GSE1: variants seen among roughly 807,000 people sequenced by gnomAD.
GSE1 encodes the protein genetic suppressor element 1.
GSE1 carries 32 observed loss-of-function variants against 112.6 expected under a neutral mutation model. The ratio of observed to expected loss-of-function variants is 0.28; its 90% CI spans 0.21 to 0.38. The LOEUF is 0.38. Among genes scored for constraint, GSE1 ranks in the 10% least tolerant of loss-of-function variants. GSE1 has a pLI of 1.00. For missense variants in GSE1, 2,348 were observed against 1,699.2 expected (o/e 1.38, Z -6.71); for synonymous variants, 1,115 against 735.6 (o/e 1.52, Z -8.35).
chr16:85,428,848 G>T (rs1047748590), intron 2 of GSE1, among the ~76,000 whole-genome samples: 8 of 152,166 alleles, frequency 5.3e-5, no homozygotes, highest in Non-Finnish European at 8.8e-5. Context: ...GTAGACAAAC[G>T]CCTGGGGGGT....
chr16:85,483,395 C>T (rs549737453), intron 2 of GSE1, among the ~76,000 whole-genome samples: 4 of 152,262 alleles, frequency 2.6e-5, no homozygotes, highest in Non-Finnish European at 5.9e-5. Flanking sequence ...GCAAGTCCCT[C>T]ACCCACTCTG....
chr16:85,552,392 C>T (rs112308244), upstream of GSE1, among the ~76,000 whole-genome samples: 555 of 96,522 alleles, frequency 5.7e-3, 67 homozygotes, highest in Non-Finnish European at 2.8e-3. Flanking sequence ...AGTGAAGTGG[C>T]GCGATCTCGG....
chr16:85,332,903 C>CTTT (rs2046405915), intron 1 of GSE1, among the ~76,000 whole-genome samples: 1 of 152,104 alleles, frequency 6.6e-6, no homozygotes, highest in Admixed American at 6.5e-5. Context: ...CAGAACCCCC[C>CTTT]TTTATCCCCT....
At chr16:85,230,870 A>G (rs12920792) in intron 1 of GSE1, among the ~76,000 whole-genome samples, 5,867 of 115,538 alleles carry the variant, frequency 0.051, 175 homozygotes, top group East Asian at 0.19. Flanking sequence ...TGGATGGATG[A>G]GTGGACGGAC....
rs536927454 is a variant in GSE1 at position 85,431,577 on chromosome 16, G to A, written c.2464+73934G>A. 2.3e-3 allele frequency among the ~76,000 whole-genome samples: 352 copies of A among 152,354 alleles called. 1 individual carries two copies. Among genetic ancestry groups the A allele is most frequent in the Non-Finnish European group, 4.0e-3 (269 of 68,040 alleles). On this transcript the variant is annotated intron_variant, in intron 2 of 2. Coordinates refer to the GSE1 transcript ENST00000637419. The stretch of plus-strand genomic sequence containing the variant: ...TCAGGGCTGGAAAGTCGCCTCCGGG[G>A]TGGTGGCCGTGGCAGCCTCAGAGGT...
intron 1 of GSE1, among the ~76,000 whole-genome samples, chr16:85,177,404 A>T (rs1257656810): frequency 6.6e-6 from 1 of 152,218 alleles, no homozygotes; most frequent in Non-Finnish European, 1.5e-5. Context: ...CTGAAGAGAG[A>T]TGCCATGTCT....
chr16:85,388,068 A>ATGGG (rs1458646553), intron 2 of GSE1, among the ~76,000 whole-genome samples: 2 of 118,626 alleles, frequency 1.7e-5, no homozygotes, highest in East Asian at 5.3e-4. Context: ...GGGTGAGTGG[A>ATGGG]TGGGTGGGTG....
chr16:85,201,824 C>T (rs1304406694), intron 1 of GSE1, among the ~76,000 whole-genome samples: 2 of 152,196 alleles, frequency 1.3e-5, no homozygotes, highest in Non-Finnish European at 1.5e-5. Flanking sequence ...CATGCAGTCT[C>T]ATGGCCAAAT....
intron 1 of GSE1, among the ~76,000 whole-genome samples, chr16:85,618,783 G>A (rs1046127247): frequency 3.3e-5 from 5 of 152,222 alleles, no homozygotes; most frequent in African/African-American, 1.2e-4. Context: ...GCAGCCTCCT[G>A]AGAAGTTGGA....
chr16:85,457,759 G>A (rs1295861900), intron 2 of GSE1, among the ~76,000 whole-genome samples: 1 of 152,236 alleles, frequency 6.6e-6, no homozygotes, highest in African/African-American at 2.4e-5. Flanking sequence ...AGGCTGTAGG[G>A]GTGGAGGGAG....
chr16:85,624,790 C>A (rs1483407708), intron 1 of GSE1, among the ~76,000 whole-genome samples: 2 of 152,142 alleles, frequency 1.3e-5, no homozygotes, highest in Non-Finnish European at 2.9e-5. Flanking sequence ...GGGAAGCAGC[C>A]CATGGGGAGA....
intron 2 of GSE1, among the ~76,000 whole-genome samples, chr16:85,359,668 A>G (rs2047023470): frequency 6.6e-6 from 1 of 152,210 alleles, no homozygotes; most frequent in South Asian, 2.1e-4. Flanking sequence ...TCCATCAGTG[A>G]AACAGTGTCC....
chr16:85,278,136 G>A (rs1243253906), intron 1 of GSE1, among the ~76,000 whole-genome samples: 1 of 152,256 alleles, frequency 6.6e-6, no homozygotes, highest in Non-Finnish European at 1.5e-5. Flanking sequence ...AGGGGTCCAT[G>A]TCCCTGGCTG....
At chr16:85,175,578 G>A (rs754617206) in intron 1 of GSE1, among the ~76,000 whole-genome samples, 7 of 152,218 alleles carry the variant, frequency 4.6e-5, no homozygotes, top group Non-Finnish European at 1.0e-4. Context: ...CCCCGCCCCC[G>A]TGAAGTGCTG....
chr16:85,669,649 T>G (rs1598720273), intron 14 of GSE1, among the ~76,000 whole-genome samples: 2 of 152,228 alleles, frequency 1.3e-5, no homozygotes, highest in Non-Finnish European at 2.9e-5. Context: ...TTTGCTGGTT[T>G]TGTAGGTTTT....
chr16:85,516,864 C>T (rs1343987818), intron 2 of GSE1, among the ~76,000 whole-genome samples: 1 of 146,524 alleles, frequency 6.8e-6, no homozygotes, highest in South Asian at 2.1e-4. Flanking sequence ...GTGGCGTGAT[C>T]TCCACTTACT....
At chr16:85,267,669 A>T (rs2144152181) in intron 1 of GSE1, among the ~76,000 whole-genome samples, 1 of 152,184 alleles carries the variant, frequency 6.6e-6, no homozygotes, top group Non-Finnish European at 1.5e-5. Context: ...ACTTTTCTTC[A>T]TTCTCTTGAA....
At chr16:85,501,955 G>C (rs1322541550) in intron 2 of GSE1, among the ~76,000 whole-genome samples, 1 of 152,236 alleles carries the variant, frequency 6.6e-6, no homozygotes, top group Non-Finnish European at 1.5e-5. Context: ...ATTTTGTTGG[G>C]GGGCAGGGTT....
At chr16:85,187,178 G>C (rs948780372) in intron 1 of GSE1, among the ~76,000 whole-genome samples, 4 of 152,224 alleles carry the variant, frequency 2.6e-5, no homozygotes, top group Non-Finnish European at 5.9e-5. Context: ...GTGTCCAGGT[G>C]CCTGGAGCTT....
Sources: allele counts gnomAD v4.1 joint callset (sites outside exome capture counted in the v4.1 genomes callset), GRCh38; gene constraint gnomAD v4.1.1; transcripts MANE v1.5; gene names NCBI Gene and HGNC (gene_info 2026-07-23, HGNC 2026-07-21).